Variants in TRPM2 observed in about 807,000 individuals in gnomAD.
The protein encoded by TRPM2 is estrogen-responsive element-associated gene 1 protein.
TRPM2 carries 161 observed loss-of-function variants against 174.0 expected under a neutral mutation model. The observed-to-expected ratio is 0.93, with a 90% CI of 0.81 to 1.05. The LOEUF is 1.05. TRPM2 is among the 50% of genes least tolerant of loss of function. The pLI is 0.00. For synonymous variants in TRPM2, 954 were observed against 861.3 expected (o/e 1.11, Z -1.88); for missense variants, 2,057 against 2,038.0 (o/e 1.01, Z -0.18).
intron 5 of TRPM2, among the ~76,000 whole-genome samples, chr21:44,373,710 C>G (rs2146186705): frequency 1.3e-5 from 2 of 152,304 alleles, no homozygotes; most frequent in South Asian, 4.1e-4. Context: ...CTCAATTTCT[C>G]TCTTTCCTTT....
chr21:44,409,296 C>T (rs1426949271), intron 19 of TRPM2, among the ~76,000 whole-genome samples: 4 of 152,166 alleles, frequency 2.6e-5, no homozygotes, highest in East Asian at 1.9e-4. Flanking sequence ...GGTCAGTCTT[C>T]GTTGTGGCTC....
Position 44,367,260 on chromosome 21 carries a change from G to A in TRPM2, c.604+326G>A, listed in dbSNP as rs1305608494. ...TGGCCTGGGAACCTCGGTGGCCTGA[G>A]AACCTTGGTGGCCTGGGAATCTTGG... On this transcript the variant is annotated intron_variant, in intron 4 of 31. Transcript: ENST00000397928. This position sits in a 1 kb window ranked among gnomAD's most constrained non-coding sequence, Gnocchi z 4.6. Among the ~76,000 whole-genome samples, 1 of 152,094 alleles carries A rather than the reference G, an allele frequency of 6.6e-6. No individual in the cohort carries two copies. Among genetic ancestry groups the A allele is most frequent in the Non-Finnish European group, 1.5e-5 (1 of 68,000 alleles).
intron 11 of TRPM2, among the ~76,000 whole-genome samples, chr21:44,394,148 C>A (rs979651902): frequency 6.6e-6 from 1 of 152,148 alleles, no homozygotes; most frequent in Admixed American, 6.5e-5. Flanking sequence ...GGATTACAGG[C>A]GTGAGCCACC....
At chr21:44,434,013 C>T (rs568126565) in intron 27 of TRPM2, among the ~76,000 whole-genome samples, 17 of 152,106 alleles carry the variant, frequency 1.1e-4, no homozygotes, top group South Asian at 8.3e-4. Context: ...GGCTGGTGGC[C>T]GCCGGTGCTA....
chr21:44,426,790 T>C (rs1019076615), intron 26 of TRPM2, 54 bp downstream of exon 26: 1 of 1,595,948 alleles, frequency 6.3e-7, no homozygotes. Context: ...CAGGGCCTCC[T>C]AGGGGCTCCC....
chr21:44,354,869 T>C lies in TRPM2; in HGVS notation c.254+133T>C. 3 of 778,232 alleles carry C rather than the reference T, an allele frequency of 3.9e-6. 1 individual carries two copies. The South Asian group carries it at 4.8e-5, about 12-fold the overall frequency. 48.2% of individuals were successfully genotyped at this position (778,232 alleles called of 1,614,324 possible). A position where few individuals can be genotyped will look rare whatever the true frequency, so the allele number is the denominator to read the frequency against. On this transcript the variant is annotated intron_variant, in intron 2 of 31. Coordinates refer to ENST00000397928, the MANE Select transcript of TRPM2 (RefSeq NM_003307.4). The surrounding 1 kb of genome is among the most constrained non-coding windows in gnomAD (Gnocchi z 4.3). ...AGATACCTCTGTCTCCATACGAGGC[T>C]TAGAGTCCACAGAGCATTTCCACCT...
At position 44,382,767 on chromosome 21, in the gene TRPM2, G is replaced by T. The variant is rs1348989817; in HGVS notation, c.1265G>T (p.Gly422Val). The T allele has an allele frequency of 6.2e-7, 1 of 1,614,088 alleles. No individual in the cohort carries two copies. Residue 422 changes from glycine to valine, a missense_variant, in exon 9 of 32, where the codon GGC becomes GTC. Gly to Val is a moderately radical substitution (Grantham distance 109). Transcript: ENST00000397928. ...RRQLLTVFRE[G>V]KDGQQDVDVA... ...CAGCTGCTGACTGTCTTCCGGGAAGGCAAGGATGGTCAGCAGGACGTGGAT... is the reference window on the plus strand; with the variant it reads ...CAGCTGCTGACTGTCTTCCGGGAAGTCAAGGATGGTCAGCAGGACGTGGAT...
chr21:44,425,810 G>A lies in TRPM2; in HGVS notation c.3778G>A (p.Glu1260Lys). Residue 1260 changes from glutamate to lysine, a missense_variant, in exon 25 of 32, where the codon GAG becomes AAG. Physicochemically the swap from Glu to Lys is moderately conservative, Grantham distance 56. Transcript: ENST00000397928. ...CPVTRFPVPNEKVPWETEFLI... is the reference protein window; with the variant it reads ...CPVTRFPVPNKKVPWETEFLI... ...TGTCACGCGCTTCCCCGTGCCCAACGAGAAGGTGCCCTGGGAGGTGAGCGC... is the reference window on the plus strand; with the variant it reads ...TGTCACGCGCTTCCCCGTGCCCAACAAGAAGGTGCCCTGGGAGGTGAGCGC... 8 of 1,577,270 alleles carry A rather than the reference G, an allele frequency of 5.1e-6. No individual in the cohort carries two copies. Among genetic ancestry groups the A allele is most frequent in the South Asian group, 1.1e-5 (1 of 89,382 alleles).
intron 17 of TRPM2, 71 bp from the exon 18 acceptor site, chr21:44,405,834 C>A: frequency 6.5e-7 from 1 of 1,545,800 alleles, no homozygotes. Flanking sequence ...GGTGGAGGGG[C>A]GACGGGGGAC....
At chr21:44,431,141 T>C (rs1328802877) in intron 27 of TRPM2, among the ~76,000 whole-genome samples, 1 of 152,080 alleles carries the variant, frequency 6.6e-6, no homozygotes, top group Non-Finnish European at 1.5e-5. Flanking sequence ...TTAGAGCTCA[T>C]TTTTATTCAA....
chr21:44,409,803 A>T (rs1343774252), intron 19 of TRPM2, among the ~76,000 whole-genome samples: 1 of 147,936 alleles, frequency 6.8e-6, no homozygotes, highest in Non-Finnish European at 1.5e-5. Context: ...ATAGCCTTGT[A>T]GTAAGTTTTG....
At chr21:44,396,517 A>AG (rs1464093467) in intron 12 of TRPM2, among the ~76,000 whole-genome samples, 1 of 8,684 alleles carries the variant, frequency 1.2e-4, no homozygotes. Flanking sequence ...AAGGGTGTGG[A>AG]GGCTGTGGAG....
Position 44,391,399 on chromosome 21 carries a change from A to G in TRPM2, c.1568A>G (p.Tyr523Cys), listed in dbSNP as rs1470520804. The G allele has an allele frequency of 6.2e-7, 1 of 1,614,004 alleles. No individual in the cohort carries two copies. The highest frequency in any genetic ancestry group is 8.5e-7 in the Non-Finnish European group (1 of 1,180,050). ...ACCTGGGACACCTTGCTCTACCTGT[A>G]CGAGAACCTGGACCCCTCCTGCCTG... ...FVTWDTLLYLYENLDPSCLFH... is the reference protein window; with the variant it reads ...FVTWDTLLYLCENLDPSCLFH... The change falls in exon 11 of 32, where the codon TAC becomes TGC. Residue 523 changes from tyrosine to cysteine, a missense_variant. By Grantham distance (194) the Tyr-to-Cys change is radical. Transcript: ENST00000397928. This position sits in a 1 kb window ranked among gnomAD's most constrained non-coding sequence, Gnocchi z 5.0.
intron 9 of TRPM2, among the ~76,000 whole-genome samples, chr21:44,388,007 A>G (rs957674263): frequency 2.6e-5 from 4 of 152,226 alleles, no homozygotes; most frequent in African/African-American, 7.2e-5. Flanking sequence ...ATTTAAAAAT[A>G]CAATTCCTAT....
At chr21:44,402,259 C>T (rs1266836535) in intron 16 of TRPM2, among the ~76,000 whole-genome samples, 7 of 152,148 alleles carry the variant, frequency 4.6e-5, no homozygotes, top group Non-Finnish European at 1.5e-5. Flanking sequence ...CGTTCAATAA[C>T]GAGCCAGAAG....
intron 5 of TRPM2, among the ~76,000 whole-genome samples, chr21:44,371,464 C>G (rs1465953050): frequency 1.6e-3 from 48 of 30,248 alleles, no homozygotes; most frequent in African/African-American, 4.5e-3. Flanking sequence ...TCCCTCCAGT[C>G]TCTGCCTCCG....
At chr21:44,414,138 G>A in intron 20 of TRPM2, 64 bp downstream of exon 20, 1 of 1,566,680 alleles carries the variant, frequency 6.4e-7, no homozygotes, top group South Asian at 1.1e-5. Context: ...GGCCGCAGTG[G>A]CCATGCTGTC....
chr21:44,352,936 C>T (rs1231147567), upstream of TRPM2, among the ~76,000 whole-genome samples: 1 of 152,206 alleles, frequency 6.6e-6, no homozygotes, highest in African/African-American at 2.4e-5. Context: ...TGGTGGATCG[C>T]CTGAGGTCAG....
At chr21:44,365,951 A>G (rs2048347486) in intron 3 of TRPM2, among the ~76,000 whole-genome samples, 1 of 152,184 alleles carries the variant, frequency 6.6e-6, no homozygotes. Flanking sequence ...TTTAGTGACA[A>G]TGCCACCACA....
Sources: allele counts gnomAD v4.1 joint callset (sites outside exome capture counted in the v4.1 genomes callset), GRCh38; gene constraint gnomAD v4.1.1; non-coding constraint Gnocchi (gnomAD v3.1); transcripts MANE v1.5; gene names NCBI Gene and HGNC (gene_info 2026-07-23, HGNC 2026-07-21).